IQGAP2: variants seen among roughly 807,000 people sequenced by gnomAD.
IQGAP2 encodes IQ motif containing GTPase activating protein 2, also known as ras GTPase-activating-like protein IQGAP2.
IQGAP2 carries 173 observed loss-of-function variants against 201.3 expected under a neutral mutation model. That is an observed-to-expected ratio of 0.86 (90% CI 0.76 to 0.98). The LOEUF is 0.98. IQGAP2 is among the 50% of genes least tolerant of loss of function. The pLI, the probability that IQGAP2 is intolerant of heterozygous loss-of-function variation, is 0.00. For missense variants in IQGAP2, 1,687 were observed against 1,864.8 expected (o/e 0.90, Z 1.76); for synonymous variants, 675 against 673.9 (o/e 1.00, Z -0.03).
chr5:76,564,013 G>A (rs1000911729), intron 3 of IQGAP2, among the ~76,000 whole-genome samples: 2 of 150,470 alleles, frequency 1.3e-5, no homozygotes, highest in Non-Finnish European at 2.9e-5. Context: ...AAAGGTCACT[G>A]AGCAAAAGTT....
intron 1 of IQGAP2, among the ~76,000 whole-genome samples, chr5:76,438,008 G>GTTTTTT (rs768892670): frequency 2.2e-5 from 2 of 91,044 alleles, no homozygotes; most frequent in African/African-American, 3.7e-5. Context: ...TTGGTCTGTA[G>GTTTTTT]TTTTTTTTTT....
intron 1 of IQGAP2, among the ~76,000 whole-genome samples, chr5:76,421,294 C>T (rs991247671): frequency 1.3e-5 from 2 of 151,904 alleles, no homozygotes; most frequent in Admixed American, 6.6e-5. Flanking sequence ...TTTCTTCACA[C>T]GAGATAAAGA....
chr5:76,666,786 C>T (rs1743797249), intron 22 of IQGAP2, among the ~76,000 whole-genome samples: 1 of 152,170 alleles, frequency 6.6e-6, no homozygotes, highest in African/African-American at 2.4e-5. Flanking sequence ...CTCTCCCACC[C>T]AGGCAGGAGT....
intron 31 of IQGAP2, among the ~76,000 whole-genome samples, chr5:76,694,164 G>A (rs1746517215): frequency 6.6e-6 from 1 of 152,138 alleles, no homozygotes; most frequent in Admixed American, 6.5e-5. Context: ...TGGGCATGGT[G>A]GCTCATGTCT....
intron 27 of IQGAP2, 133 bp from the exon 28 acceptor site, chr5:76,677,085 C>T: frequency 2.5e-6 from 2 of 804,464 alleles, no homozygotes; most frequent in Non-Finnish European, 3.8e-6. Flanking sequence ...CTGGAAGAAG[C>T]TGTAACACGT....
intron 2 of IQGAP2, among the ~76,000 whole-genome samples, chr5:76,535,170 C>T (rs767620939): frequency 6.6e-6 from 1 of 152,056 alleles, no homozygotes; most frequent in Non-Finnish European, 1.5e-5. Context: ...GGATTTTAAG[C>T]AGGGTGACAA....
chr5:76,543,793 C>T (rs930884737), intron 2 of IQGAP2, among the ~76,000 whole-genome samples: 10 of 152,290 alleles, frequency 6.6e-5, no homozygotes, highest in Admixed American at 5.2e-4. Context: ...TTTTATTTCT[C>T]AAGGTAGATG....
At chr5:76,637,981 T>C (rs1393052381) in intron 16 of IQGAP2, among the ~76,000 whole-genome samples, 2 of 152,224 alleles carry the variant, frequency 1.3e-5, no homozygotes, top group Admixed American at 1.3e-4. Context: ...AGATTTTACT[T>C]ATTGAAAGCA....
At chr5:76,697,919 G>A in intron 32 of IQGAP2, 68 bp from the exon 33 acceptor site, 1 of 1,233,984 alleles carries the variant, frequency 8.1e-7, no homozygotes, top group Non-Finnish European at 1.1e-6. Flanking sequence ...TATTCTTCTT[G>A]TCCCAAACTG....
intron 28 of IQGAP2, among the ~76,000 whole-genome samples, chr5:76,678,056 T>C (rs920079286): frequency 1.3e-5 from 2 of 152,214 alleles, no homozygotes; most frequent in African/African-American, 2.4e-5. Context: ...ACACCCTGTC[T>C]CTCCCCTCTT....
rs1161706297 is a variant in IQGAP2, at chr5:76,654,272, G to T, written c.2250+1G>T. 1.3e-6 allele frequency: 2 copies of T among 1,596,200 alleles called. No individual in the cohort carries two copies. Among genetic ancestry groups the T allele is most frequent in the East Asian group, 2.2e-5 (1 of 44,560 alleles). On this transcript the variant is annotated splice_donor_variant, in intron 19 of 35. Transcript: ENST00000274364. LOFTEE classifies it high-confidence loss of function. ...AAGACTACAGTATTTCAGAGATCAT[G>T]TAAGAAAAATGCCTGTGGGATTTTA... is the stretch of plus-strand genomic sequence containing the variant.
intron 1 of IQGAP2, chr5:76,441,622 C>A: frequency 1.9e-6 from 1 of 538,530 alleles, no homozygotes; most frequent in Non-Finnish European, 2.4e-6. Context: ...TGGTTCTGTT[C>A]CCATTCGAGC....
chr5:76,408,086 G>T (rs535564438), intron 1 of IQGAP2, among the ~76,000 whole-genome samples: 2 of 152,094 alleles, frequency 1.3e-5, no homozygotes, highest in African/African-American at 2.4e-5. Context: ...GCTTGAACCC[G>T]GGAGGCAGAG....
intron 2 of IQGAP2, among the ~76,000 whole-genome samples, chr5:76,512,315 T>C (rs1561428843): frequency 6.6e-6 from 1 of 152,222 alleles, no homozygotes; most frequent in Non-Finnish European, 1.5e-5. Flanking sequence ...TCAGACTTTG[T>C]ATAAGGCTTT....
intron 12 of IQGAP2, chr5:76,609,291 C>T: frequency 6.7e-7 from 1 of 1,484,070 alleles, no homozygotes; most frequent in Non-Finnish European, 9.1e-7. Flanking sequence ...ATTCCATGCA[C>T]TCCAGTTTAT....
intron 2 of IQGAP2, among the ~76,000 whole-genome samples, chr5:76,538,361 G>T (rs993421708): frequency 8.6e-5 from 3 of 35,034 alleles, no homozygotes; most frequent in Admixed American, 3.5e-4. Context: ...CATATCAAGG[G>T]GGGGTAAGGT....
At chr5:76,676,830 T>C (rs1304855027) in intron 27 of IQGAP2, among the ~76,000 whole-genome samples, 1 of 152,248 alleles carries the variant, frequency 6.6e-6, no homozygotes, top group East Asian at 1.9e-4. Flanking sequence ...ATTTGACTAA[T>C]TGCTTTTTTT....
At chr5:76,632,083 T>C (rs1291485386) in intron 15 of IQGAP2, 57 bp downstream of exon 15, 3 of 1,359,684 alleles carry the variant, frequency 2.2e-6, no homozygotes, top group African/African-American at 3.0e-5. Flanking sequence ...ATTTCTGTGG[T>C]ATTATATTTT....
At chr5:76,590,842 T>A (rs1290971172) in intron 8 of IQGAP2, among the ~76,000 whole-genome samples, 1 of 152,078 alleles carries the variant, frequency 6.6e-6, no homozygotes, top group Non-Finnish European at 1.5e-5. Context: ...ATCCCAGCAC[T>A]TTGGGAGGCT....
Sources: gnomAD v4.1 joint callset for allele counts (sites outside exome capture counted in the v4.1 genomes callset) on GRCh38, gnomAD v4.1.1 for gene constraint, MANE v1.5 for transcripts, NCBI Gene and HGNC (gene_info 2026-07-23, HGNC 2026-07-21) for gene names.